The following ADAM12 variants were observed in gnomAD, a reference collection of about 807,000 sequenced individuals.
ADAM12 encodes the protein disintegrin and metalloproteinase domain-containing protein 12.
A neutral mutation model predicts 106.4 loss-of-function variants in ADAM12; 70 were observed. The ratio of observed to expected loss-of-function variants is 0.66; its 90% CI spans 0.54 to 0.80. The LOEUF is 0.80. ADAM12 is among the 30% of genes least tolerant of loss of function. ADAM12 has a pLI of 0.00. For missense variants in ADAM12, 1,010 were observed against 1,171.9 expected (o/e 0.86, Z 2.02); for synonymous variants, 420 against 433.5 (o/e 0.97, Z 0.39).
intron 11 of ADAM12, among the ~76,000 whole-genome samples, chr10:126,086,764 G>A (rs1190773503): frequency 1.5e-5 from 2 of 137,304 alleles, no homozygotes; most frequent in South Asian, 2.4e-4. Flanking sequence ...GGCCAGGTGC[G>A]TGGCTCACAC....
rs1954222826 is a variant in ADAM12, at chr10:126,043,169, G to A, written c.1996-21C>T. On this transcript the variant is annotated intron_variant, in intron 17 of 22. Transcript: ENST00000448723. This position sits in a 1 kb window ranked among gnomAD's most constrained non-coding sequence, Gnocchi z 4.1. The stretch of plus-strand genomic sequence containing the variant: ...CACACCTTTCAGGGCAGAGGGGAGG[G>A]ACGTGGGGTTAGGGCATATGCTCTG... 6.2e-7 allele frequency: 1 copy of A among 1,610,654 alleles called. No individual in the cohort carries two copies. The highest frequency in any genetic ancestry group is 1.3e-5 in the African/African-American group (1 of 74,886).
In ADAM12 at chr10:126,101,092, A is replaced by G. The variant is rs1453228283; in HGVS notation, c.891T>C (p.His297=). ...RKMKLLPRKS[H]DNAQLVSGVY... ...CCTACCTGACAAGCTGCGCATTGTCATGGGATTTGCGAGGTAGAAGCTTCA... is the reference window on the plus strand; with the variant it reads ...CCTACCTGACAAGCTGCGCATTGTCGTGGGATTTGCGAGGTAGAAGCTTCA... The change falls in exon 9 of 23, where the codon CAT becomes CAC. Residue 297 remains histidine (H), a synonymous_variant. Coordinates refer to ENST00000448723, the MANE Select transcript of ADAM12 (RefSeq NM_001288973.2). 3 of 1,613,682 alleles carry G rather than the reference A, an allele frequency of 1.9e-6. No homozygotes were observed. The highest frequency in any genetic ancestry group is 2.5e-6 in the Non-Finnish European group (3 of 1,179,848).
intron 1 of ADAM12, among the ~76,000 whole-genome samples, chr10:126,378,413 T>C (rs17759651): frequency 0.2 from 29,819 of 152,248 alleles, 3,169 homozygotes; most frequent in Middle Eastern, 0.28. Context: ...AATTATGATT[T>C]AGTCATTCAA....
intron 3 of ADAM12, among the ~76,000 whole-genome samples, chr10:126,253,807 C>T (rs1365158875): frequency 6.7e-6 from 1 of 148,582 alleles, no homozygotes; most frequent in Non-Finnish European, 1.5e-5. Context: ...GCGGTTCTTG[C>T]CTGGCCTGAG....
chr10:126,188,300 C>A (rs1957435491), intron 3 of ADAM12, among the ~76,000 whole-genome samples: 2 of 150,596 alleles, frequency 1.3e-5, no homozygotes, highest in Admixed American at 1.3e-4. Flanking sequence ...TTGCTAGACT[C>A]CATGTGTACC....
At chr10:126,266,710 T>C (rs779105698) in intron 3 of ADAM12, among the ~76,000 whole-genome samples, 4 of 152,138 alleles carry the variant, frequency 2.6e-5, no homozygotes, top group African/African-American at 4.8e-5. Flanking sequence ...TCTGCTCGGC[T>C]TCTGAGGAGG....
chr10:126,058,592 G>A (rs1954683573), intron 14 of ADAM12, among the ~76,000 whole-genome samples: 2 of 152,196 alleles, frequency 1.3e-5, no homozygotes, highest in South Asian at 2.1e-4. Flanking sequence ...CTTGGGAGCA[G>A]ATGCAGCTCC....
rs1258301316 is a variant in ADAM12 at position 126,186,544 on chromosome 10, A to G, written c.261-31239T>C. Among the ~76,000 whole-genome samples, 11 of 152,194 alleles carry G rather than the reference A, an allele frequency of 7.2e-5. No homozygotes were observed. In the East Asian group the frequency reaches 1.5e-3, roughly 21 times the overall value. On this transcript the variant is annotated intron_variant, in intron 3 of 22. Coordinates refer to ENST00000448723, the MANE Select transcript of ADAM12 (RefSeq NM_001288973.2). ...CAAAGGTCATTTATTTCTGCACTCA[A>G]TTTTGTAGTTCTAGGGACATGGGGA...
chr10:126,232,228 C>T (rs1472191847), intron 3 of ADAM12, among the ~76,000 whole-genome samples: 1 of 152,046 alleles, frequency 6.6e-6, no homozygotes, highest in Non-Finnish European at 1.5e-5. Context: ...TTATAAGAGA[C>T]AAGCAGGAGG....
At chr10:126,030,831 T>G (rs1953959398) in intron 21 of ADAM12, among the ~76,000 whole-genome samples, 1 of 152,164 alleles carries the variant, frequency 6.6e-6, no homozygotes, top group Non-Finnish European at 1.5e-5. Flanking sequence ...TGTTTTAGAT[T>G]TACAGGGGGA....
chr10:126,311,455 C>T (rs1961094738), intron 2 of ADAM12, among the ~76,000 whole-genome samples: 1 of 152,068 alleles, frequency 6.6e-6, no homozygotes, highest in African/African-American at 2.4e-5. Flanking sequence ...GTTCCTGGAA[C>T]AGAACTTCTA....
At chr10:126,180,761 T>C (rs1159682014) in intron 3 of ADAM12, among the ~76,000 whole-genome samples, 2 of 152,164 alleles carry the variant, frequency 1.3e-5, no homozygotes, top group Admixed American at 1.3e-4. Flanking sequence ...AGAAGCTTCT[T>C]AGAAAGGAAG....
intron 4 of ADAM12, among the ~76,000 whole-genome samples, chr10:126,142,821 G>A (rs1956538429): frequency 1.3e-5 from 2 of 152,306 alleles, no homozygotes; most frequent in South Asian, 2.1e-4. Context: ...AAAGGTGGGT[G>A]AGCGTACATG....
At chr10:126,150,125 C>G (rs1180203172) in intron 4 of ADAM12, among the ~76,000 whole-genome samples, 1 of 152,196 alleles carries the variant, frequency 6.6e-6, no homozygotes, top group Non-Finnish European at 1.5e-5. Flanking sequence ...CATCATAGAT[C>G]GTGGACATTT....
intron 2 of ADAM12, among the ~76,000 whole-genome samples, chr10:126,290,326 G>A (rs1019373459): frequency 2.6e-5 from 4 of 152,202 alleles, no homozygotes; most frequent in Admixed American, 1.3e-4. Context: ...TTAACCTGGT[G>A]AGATTTGAAG....
At chr10:126,166,795 T>C (rs1189433806) in intron 3 of ADAM12, among the ~76,000 whole-genome samples, 1 of 152,172 alleles carries the variant, frequency 6.6e-6, no homozygotes, top group Non-Finnish European at 1.5e-5. Context: ...AGGCTGTTTT[T>C]AATGTGTCAT....
intron 2 of ADAM12, among the ~76,000 whole-genome samples, chr10:126,300,100 G>A (rs1364592233): frequency 1.3e-5 from 2 of 152,148 alleles, no homozygotes; most frequent in African/African-American, 4.8e-5. Context: ...TATTTCTTAA[G>A]ATGCGAGCAT....
intron 3 of ADAM12, among the ~76,000 whole-genome samples, chr10:126,165,296 T>C (rs1261985680): frequency 5.3e-5 from 8 of 152,096 alleles, no homozygotes; most frequent in Non-Finnish European, 1.0e-4. Context: ...GCCTCCTGAG[T>C]AGCTGGGATT....
At position 126,078,164 on chromosome 10, in the gene ADAM12, C is replaced by T. The variant is rs11244801; in HGVS notation, c.1146-6510G>A. 0.023 allele frequency among the ~76,000 whole-genome samples: 3,532 copies of T among 152,260 alleles called. 217 individuals are homozygous for T. In the East Asian group the frequency reaches 0.25, roughly 11 times the overall value. On this transcript the variant is annotated intron_variant, in intron 11 of 22. Coordinates refer to ENST00000448723, the MANE Select transcript of ADAM12 (RefSeq NM_001288973.2). ...GCAAGGCCAGGTGCATCACCTGCTC[C>T]CCAGGTGCTGACTCTGCCTACATAC... is the stretch of plus-strand genomic sequence containing the variant.
Sources: gnomAD v4.1 joint callset for allele counts (sites outside exome capture counted in the v4.1 genomes callset) on GRCh38, gnomAD v4.1.1 for gene constraint, Gnocchi (gnomAD v3.1) non-coding constraint, MANE v1.5 for transcripts, NCBI Gene and HGNC (gene_info 2026-07-23, HGNC 2026-07-21) for gene names.